CCBE1: variants seen among roughly 807,000 people sequenced by gnomAD.
CCBE1 encodes collagen and calcium binding EGF domains 1.
CCBE1 carries 37 observed loss-of-function variants against 50.0 expected under a neutral mutation model. That is an observed-to-expected ratio of 0.74 (90% CI 0.57 to 0.97). CCBE1 has a LOEUF of 0.97. Among genes scored for constraint, CCBE1 ranks in the 50% least tolerant of loss-of-function variants. The probability of loss-of-function intolerance (pLI) is 0.00; values close to 1 mark genes in which losing one functional copy is unlikely to be tolerated. For missense variants in CCBE1, 538 were observed against 523.8 expected (o/e 1.03, Z -0.26); for synonymous variants, 234 against 203.7 (o/e 1.15, Z -1.27).
chr18:59,579,762 C>T (rs150909893), intron 2 of CCBE1, among the ~76,000 whole-genome samples: 1 of 152,190 alleles, frequency 6.6e-6, no homozygotes, highest in Admixed American at 6.5e-5. Context: ...TGTCCCTGAA[C>T]AGCAGCATTC....
At chr18:59,668,946 TCCAG>T (rs2054395227) in intron 2 of CCBE1, among the ~76,000 whole-genome samples, 1 of 147,108 alleles carries the variant, frequency 6.8e-6, no homozygotes, top group Non-Finnish European at 1.5e-5. Flanking sequence ...CACCTCAGCC[TCCAG>T]AGTAGCTGGG....
intron 5 of CCBE1, chr18:59,465,455 G>C (rs1268414120): frequency 2.0e-5 from 3 of 152,008 alleles, no homozygotes. Flanking sequence ...ATATGCTTGA[G>C]TGACCAGACA....
chr18:59,552,030 C>A (rs907215118), intron 2 of CCBE1, among the ~76,000 whole-genome samples: 3 of 152,188 alleles, frequency 2.0e-5, no homozygotes, highest in Non-Finnish European at 4.4e-5. Context: ...TCACAGCTGG[C>A]CTGGGGATGG....
intron 2 of CCBE1, among the ~76,000 whole-genome samples, chr18:59,692,427 T>C (rs2054744692): frequency 6.6e-6 from 1 of 152,186 alleles, no homozygotes; most frequent in Admixed American, 6.5e-5. Context: ...GAGCTGGGAT[T>C]CACACTGGAG....
chr18:59,511,144 G>A (rs186153145), intron 2 of CCBE1, among the ~76,000 whole-genome samples: 23 of 152,312 alleles, frequency 1.5e-4, no homozygotes, highest in Admixed American at 1.4e-3. Context: ...TTTTTATGCT[G>A]CTATGTTTGC....
At chr18:59,457,974 T>C (rs919926954) in intron 5 of CCBE1, among the ~76,000 whole-genome samples, 1 of 152,350 alleles carries the variant, frequency 6.6e-6, no homozygotes, top group East Asian at 1.9e-4. Flanking sequence ...GGCTCCTGCA[T>C]GAAAAGATGA....
chr18:59,500,113 C>T (rs1913547107), intron 2 of CCBE1, among the ~76,000 whole-genome samples: 1 of 152,180 alleles, frequency 6.6e-6, no homozygotes, highest in African/African-American at 2.4e-5. Flanking sequence ...CAAGACTATC[C>T]TGAGGACCTC....
chr18:59,495,373 A>G (rs1913300717), intron 2 of CCBE1, among the ~76,000 whole-genome samples: 1 of 150,890 alleles, frequency 6.6e-6, no homozygotes, highest in African/African-American at 2.4e-5. Flanking sequence ...GGGAGACCTT[A>G]ACAGTCAAGT....
chr18:59,459,957 A>T (rs538201883), intron 5 of CCBE1, among the ~76,000 whole-genome samples: 35 of 152,330 alleles, frequency 2.3e-4, no homozygotes, highest in African/African-American at 8.2e-4. Context: ...ACTGACCTGT[A>T]ATAAGTGATG....
intron 2 of CCBE1, among the ~76,000 whole-genome samples, chr18:59,608,261 A>C (rs1455022169): frequency 1.3e-5 from 2 of 152,260 alleles, no homozygotes; most frequent in African/African-American, 4.8e-5. Context: ...ATTAGCTATT[A>C]CTGTTATTTA....
chr18:59,652,479 C>A (rs977428171), intron 2 of CCBE1, among the ~76,000 whole-genome samples: 2 of 109,626 alleles, frequency 1.8e-5, no homozygotes, highest in African/African-American at 5.8e-5. Context: ...CTGACTCCCC[C>A]CCTTTTTTTT....
chr18:59,621,112 A>G (rs1250149908), intron 2 of CCBE1, among the ~76,000 whole-genome samples: 1 of 152,208 alleles, frequency 6.6e-6, no homozygotes, highest in Non-Finnish European at 1.5e-5. Context: ...AGGGATTCCC[A>G]GGACTCCAGC....
intron 2 of CCBE1, among the ~76,000 whole-genome samples, chr18:59,650,287 T>C (rs557502633): frequency 3.8e-4 from 57 of 151,258 alleles, no homozygotes; most frequent in African/African-American, 1.3e-3. Flanking sequence ...TCAGGTGAGA[T>C]GGGAGAGACC....
chr18:59,631,037 CA>C (rs2053842370), intron 2 of CCBE1, among the ~76,000 whole-genome samples: 1 of 152,154 alleles, frequency 6.6e-6, no homozygotes, highest in Admixed American at 6.5e-5. Context: ...ATGGTACTTC[CA>C]TTTTCTTTTG....
At chr18:59,526,776 C>T (rs990833569) in intron 2 of CCBE1, among the ~76,000 whole-genome samples, 1 of 152,172 alleles carries the variant, frequency 6.6e-6, no homozygotes, top group Non-Finnish European at 1.5e-5. Flanking sequence ...ACCCAGGAGT[C>T]ATTCAGGAGC....
chr18:59,592,294 T>C (rs2053282707), intron 2 of CCBE1, among the ~76,000 whole-genome samples: 1 of 152,210 alleles, frequency 6.6e-6, no homozygotes, highest in Non-Finnish European at 1.5e-5. Flanking sequence ...ATTAAACAAA[T>C]GAATTTTGTG....
At position 59,466,730 on chromosome 18, in the gene CCBE1, C is replaced by T. The variant is rs1317821400; in HGVS notation, c.553+9G>A. 6.2e-7 allele frequency: 1 copy of T among 1,609,382 alleles called. No individual in the cohort carries two copies. The highest frequency in any genetic ancestry group is 1.3e-5 in the African/African-American group (1 of 74,704). ...TAATTAGGGAGATATTTAGACTTGCCCTACTTACCAGTGTCATTGGGATAT... is the reference window on the plus strand; with the variant it reads ...TAATTAGGGAGATATTTAGACTTGCTCTACTTACCAGTGTCATTGGGATAT... On this transcript the variant is annotated intron_variant, in intron 5 of 10. Coordinates refer to ENST00000439986, the MANE Select transcript of CCBE1 (RefSeq NM_133459.4).
chr18:59,469,665 CCT>C, intron 3 of CCBE1, 58 bp from the exon 4 acceptor site: 1 of 1,611,358 alleles, frequency 6.2e-7, no homozygotes, highest in South Asian at 1.1e-5. Flanking sequence ...GTAACCTGGC[CCT>C]GGCCTGGAAA....
At chr18:59,443,527 T>C (rs1348680979) in intron 7 of CCBE1, among the ~76,000 whole-genome samples, 3 of 151,296 alleles carry the variant, frequency 2.0e-5, no homozygotes, top group East Asian at 3.9e-4. Flanking sequence ...AGTGCAGTGG[T>C]GCAATCTCGT....
Sources: gnomAD v4.1 joint callset for allele counts (sites outside exome capture counted in the v4.1 genomes callset) on GRCh38, gnomAD v4.1.1 for gene constraint, MANE v1.5 for transcripts, NCBI Gene and HGNC (gene_info 2026-07-23, HGNC 2026-07-21) for gene names.